CDC42BPA: variants seen among roughly 807,000 people sequenced by gnomAD.
CDC42BPA encodes the protein CDC42 binding protein kinase alpha.
A neutral mutation model predicts 223.5 loss-of-function variants in CDC42BPA; 80 were observed. That is an observed-to-expected ratio of 0.36 (90% CI 0.30 to 0.43). CDC42BPA has a LOEUF of 0.43. Ranked by LOEUF, CDC42BPA falls within the 20% of genes least tolerant of loss-of-function variation. The probability of loss-of-function intolerance (pLI) is 1.00; values close to 1 mark genes in which losing one functional copy is unlikely to be tolerated. For synonymous variants in CDC42BPA, 694 were observed against 718.6 expected (o/e 0.97, Z 0.55); for missense variants, 1,743 against 2,099.9 (o/e 0.83, Z 3.32).
chr1:227,154,848 T>C (rs1271744925), intron 6 of CDC42BPA, among the ~76,000 whole-genome samples: 2 of 152,072 alleles, frequency 1.3e-5, no homozygotes, highest in African/African-American at 4.8e-5. Flanking sequence ...TTATGAAGGA[T>C]TGTTCACATG....
intron 5 of CDC42BPA, among the ~76,000 whole-genome samples, chr1:227,163,148 C>G (rs1221121725): frequency 1.3e-5 from 2 of 150,532 alleles, no homozygotes; most frequent in African/African-American, 2.5e-5. Context: ...GTGTATGTTT[C>G]CAAACATATA....
chr1:227,069,769 A>G lies in CDC42BPA; in HGVS notation c.2904+8T>C. ...CCCCAGAGGATATGTGACATGTTTA[A>G]TACTTACTTCAAATTGATCCAGAGC... On this transcript the variant is annotated splice_region_variant and intron_variant, in intron 21 of 36. Coordinates refer to ENST00000366766, the MANE Select transcript of CDC42BPA (RefSeq NM_001394014.1). 1.9e-6 allele frequency: 3 copies of G among 1,589,420 alleles called. No individual in the cohort carries two copies. Among genetic ancestry groups the G allele is most frequent in the Non-Finnish European group, 2.6e-6 (3 of 1,158,498 alleles).
chr1:227,082,732 A>G (rs909099974), intron 16 of CDC42BPA, among the ~76,000 whole-genome samples: 1 of 146,442 alleles, frequency 6.8e-6, no homozygotes, highest in African/African-American at 2.5e-5. Context: ...AAAAAAAAAA[A>G]AAAAAAAAAG....
Position 227,194,832 on chromosome 1 carries a change from G to A in CDC42BPA, c.451-898C>T, listed in dbSNP as rs114259893. ...TACTGACTCCATGTTGTAAGTGGAT[G>A]TTGAAAAATTAATCTCTGTGACATT... On this transcript the variant is annotated intron_variant, in intron 4 of 36. Coordinates refer to ENST00000366766, the MANE Select transcript of CDC42BPA (RefSeq NM_001394014.1). Among the ~76,000 whole-genome samples, 338 of 152,264 alleles carry A rather than the reference G, an allele frequency of 2.2e-3. 2 individuals are homozygous for A. Among genetic ancestry groups the A allele is most frequent in the African/African-American group, 7.7e-3 (318 of 41,548 alleles).
At chr1:227,281,636 G>A (rs1271425589) in intron 1 of CDC42BPA, among the ~76,000 whole-genome samples, 1 of 152,142 alleles carries the variant, frequency 6.6e-6, no homozygotes, top group African/African-American at 2.4e-5. Flanking sequence ...GAGGCCCTGA[G>A]CACCAGGCAG....
chr1:227,302,008 C>T (rs1026714150), intron 1 of CDC42BPA, among the ~76,000 whole-genome samples: 1 of 152,170 alleles, frequency 6.6e-6, no homozygotes, highest in Non-Finnish European at 1.5e-5. Flanking sequence ...TCAAGATGTT[C>T]ATCCATATCA....
Position 227,112,325 on chromosome 1 carries a change from A to C in CDC42BPA, c.1988T>G (p.Leu663Trp). 1 of 1,585,420 alleles carries C rather than the reference A, an allele frequency of 6.3e-7. No homozygotes were observed. The highest frequency in any genetic ancestry group is 1.1e-5 in the South Asian group (1 of 87,060). The change falls in exon 14 of 37, where the codon TTG becomes TGG. Residue 663 changes from leucine (L) to tryptophan (W), a missense_variant. Physicochemically the swap from Leu to Trp is moderately conservative, Grantham distance 61. Coordinates refer to ENST00000366766, the MANE Select transcript of CDC42BPA (RefSeq NM_001394014.1). ...EHYSKQLENE[L>W]EGLKQKQISY... The stretch of plus-strand genomic sequence containing the variant: ...GTCAAAAGATACCTTCAGTCCCTCC[A>C]ATTCATTTTCCAGTTGCTTAGAATA...
intron 35 of CDC42BPA, chr1:227,004,765 TTGTC>T (rs1663641970): frequency 1.7e-6 from 1 of 601,488 alleles, no homozygotes; most frequent in South Asian, 1.9e-5. Flanking sequence ...GTAATCATAT[TTGTC>T]TGTCTCCCAG....
intron 26 of CDC42BPA, among the ~76,000 whole-genome samples, chr1:227,034,188 G>A (rs568867865): frequency 4.3e-4 from 66 of 152,294 alleles, no homozygotes; most frequent in African/African-American, 1.6e-3. Flanking sequence ...GGAGTTAGGA[G>A]AAAAGGTAAA....
chr1:227,255,259 T>A (rs1682841383), intron 1 of CDC42BPA, among the ~76,000 whole-genome samples: 1 of 152,290 alleles, frequency 6.6e-6, no homozygotes, highest in East Asian at 1.9e-4. Flanking sequence ...CTTCCTTCCA[T>A]GGAGCCAGAG....
At chr1:227,027,550 A>G (rs564320122) in intron 30 of CDC42BPA, among the ~76,000 whole-genome samples, 43 of 152,192 alleles carry the variant, frequency 2.8e-4, no homozygotes, top group Non-Finnish European at 4.9e-4. Context: ...TTTTCCCTTC[A>G]GCATTTTAAC....
chr1:227,312,984 C>T lies in CDC42BPA; in HGVS notation c.178+4021G>A, dbSNP rs1182323542. On this transcript the variant is annotated intron_variant, in intron 1 of 36. Coordinates refer to ENST00000366766, the MANE Select transcript of CDC42BPA (RefSeq NM_001394014.1). ...CCTTGTAGCCTGCGGAACTGTGAGC[C>T]AATCAAACCTCTTTTCTCTATAAAT... 2.6e-5 allele frequency among the ~76,000 whole-genome samples: 4 copies of T among 152,092 alleles called. No individual in the cohort carries two copies. The East Asian group carries it at 5.8e-4, about 22-fold the overall frequency.
Position 227,133,554 on chromosome 1 carries a change from G to A in CDC42BPA, c.1391-4323C>T, listed in dbSNP as rs374178520. 1.8e-3 allele frequency among the ~76,000 whole-genome samples: 268 copies of A among 152,342 alleles called. 3 individuals are homozygous for A. Among genetic ancestry groups the A allele is most frequent in the African/African-American group, 5.4e-3 (226 of 41,580 alleles). ...AGGGTGGGGAAAAGATTGAGAAATC[G>A]GATGGTTGCCGTGTCTGTGCAGAGA... On this transcript the variant is annotated intron_variant, in intron 10 of 36. Coordinates refer to ENST00000366766, the MANE Select transcript of CDC42BPA (RefSeq NM_001394014.1).
chr1:227,257,495 A>G (rs181844210), intron 1 of CDC42BPA, among the ~76,000 whole-genome samples: 1 of 132,796 alleles, frequency 7.5e-6, no homozygotes, highest in Non-Finnish European at 1.6e-5. Context: ...GTGGCCTGTA[A>G]TCCCAGCACT....
chr1:227,309,430 A>C (rs1323436299), intron 1 of CDC42BPA, among the ~76,000 whole-genome samples: 1 of 152,198 alleles, frequency 6.6e-6, no homozygotes. Flanking sequence ...TTTCCTTAAC[A>C]GTATATATAA....
intron 1 of CDC42BPA, among the ~76,000 whole-genome samples, chr1:227,275,747 C>A (rs1021487030): frequency 3.9e-5 from 6 of 152,084 alleles, no homozygotes; most frequent in African/African-American, 1.4e-4. Context: ...GGATTGCAGG[C>A]ACGCGCCGCC....
intron 21 of CDC42BPA, chr1:227,068,832 G>T: frequency 4.8e-6 from 1 of 206,824 alleles, no homozygotes; most frequent in Non-Finnish European, 1.0e-5. Flanking sequence ...AATGAGAAAA[G>T]CAGTCACTAT....
intron 30 of CDC42BPA, among the ~76,000 whole-genome samples, chr1:227,028,121 CA>C (rs10634100): frequency 0.032 from 4,510 of 140,236 alleles, 76 homozygotes; most frequent in Non-Finnish European, 0.043. Context: ...CTCCATCTCT[CA>C]AAAAAAAAAA....
At chr1:227,144,712 G>T (rs1291629023) in intron 8 of CDC42BPA, among the ~76,000 whole-genome samples, 1 of 151,466 alleles carries the variant, frequency 6.6e-6, no homozygotes, top group Non-Finnish European at 1.5e-5. Flanking sequence ...ATACTATGTT[G>T]GCCTGTTTTG....
Sources: gnomAD v4.1 joint callset for allele counts (sites outside exome capture counted in the v4.1 genomes callset) on GRCh38, gnomAD v4.1.1 for gene constraint, MANE v1.5 for transcripts, NCBI Gene and HGNC (gene_info 2026-07-23, HGNC 2026-07-21) for gene names.